Variants in PPP2R2B observed in about 807,000 individuals in gnomAD.
PPP2R2B encodes the protein protein phosphatase 2 regulatory subunit Bbeta.
In PPP2R2B, 5 loss-of-function variants were observed where a neutral mutation model predicts 46.0. The ratio of observed to expected loss-of-function variants is 0.11; its 90% CI spans 0.06 to 0.23. PPP2R2B has a LOEUF of 0.23. Ranked by LOEUF, PPP2R2B falls within the 10% of genes least tolerant of loss-of-function variation. The pLI is 1.00. For missense variants in PPP2R2B, 367 were observed against 575.0 expected, an observed-to-expected ratio of 0.64 and a Z score of 3.70; for synonymous variants, 215 against 206.7, an observed-to-expected ratio of 1.04 and a Z score of -0.34.
At position 147,014,025 on chromosome 5, in the gene PPP2R2B, A is replaced by C. The variant is rs200059385; in HGVS notation, c.79+41640T>G. Among the ~76,000 whole-genome samples, 503 of 127,406 alleles carry C rather than the reference A, an allele frequency of 3.9e-3. 4 individuals carry two copies. The East Asian group carries it at 0.078, about 20-fold the overall frequency. 83.6% of individuals were successfully genotyped at this position (127,406 alleles called of 152,430 possible). A position where few individuals can be genotyped will look rare whatever the true frequency, so the allele number is the denominator to read the frequency against. On this transcript the variant is annotated intron_variant, in intron 1 of 8. Transcript: ENST00000336640. Reference sequence around the variant, plus strand: ...AATATCCAGAATCTACAATGAACTCAAACAAATTTACAAGAAAAAAACAAA... The same window carrying C: ...AATATCCAGAATCTACAATGAACTCCAACAAATTTACAAGAAAAAAACAAA...
At chr5:146,945,588 C>A (rs910460957) in intron 1 of PPP2R2B, among the ~76,000 whole-genome samples, 1 of 152,228 alleles carries the variant, frequency 6.6e-6, no homozygotes, top group African/African-American at 2.4e-5. Flanking sequence ...ATAGCAGCTG[C>A]TGATGATGTT....
chr5:146,864,110 G>A (rs909038052), intron 2 of PPP2R2B, among the ~76,000 whole-genome samples: 3 of 151,958 alleles, frequency 2.0e-5, no homozygotes, highest in African/African-American at 4.8e-5. Flanking sequence ...ATAAAGACAC[G>A]GTTTAGAGTC....
At chr5:146,969,602 A>T (rs1752578564) in intron 1 of PPP2R2B, among the ~76,000 whole-genome samples, 1 of 152,328 alleles carries the variant, frequency 6.6e-6, no homozygotes, top group South Asian at 2.1e-4. Context: ...TCCAGGAGCG[A>T]GATGCAGGTT....
intron 1 of PPP2R2B, among the ~76,000 whole-genome samples, chr5:147,014,941 C>T (rs1488478077): frequency 6.6e-6 from 1 of 151,514 alleles, no homozygotes; most frequent in African/African-American, 2.4e-5. Context: ...GGGTCCTATC[C>T]CCAAGATATC....
intron 1 of PPP2R2B, among the ~76,000 whole-genome samples, chr5:146,906,167 T>C (rs1267507338): frequency 6.6e-6 from 1 of 152,034 alleles, no homozygotes; most frequent in African/African-American, 2.4e-5. Flanking sequence ...CTTGAAAGAA[T>C]GGATGTGAAA....
rs1770254060 is a variant in PPP2R2B at position 146,588,006 on chromosome 5, T to C, written c.*1941A>G. ...TGGTAAATGTAGGCCAATAACCCAG[T>C]GGCCTTCTGCAAAATCATCACTCTC... On this transcript the variant is annotated 3_prime_UTR_variant, in exon 10 of 10. Transcript: ENST00000394411. The C allele has an allele frequency of 6.6e-6, 1 of 152,204 alleles. No homozygotes were observed. The highest frequency in any genetic ancestry group is 2.4e-5 in the African/African-American group (1 of 41,460). The allele number at this position is 152,204 out of a possible 1,614,324, so 9.4% of individuals were successfully genotyped here. A position where few individuals can be genotyped will look rare whatever the true frequency, so the allele number is the denominator to read the frequency against.
chr5:147,032,060 T>C (rs1371560325), intron 1 of PPP2R2B, among the ~76,000 whole-genome samples: 2 of 152,118 alleles, frequency 1.3e-5, no homozygotes, highest in Non-Finnish European at 2.9e-5. Context: ...CTAATTAAAC[T>C]AAAGAGCTTT....
upstream of PPP2R2B, among the ~76,000 whole-genome samples, chr5:146,882,947 C>G (rs546740088): frequency 5.1e-4 from 77 of 152,194 alleles, no homozygotes; most frequent in Non-Finnish European, 7.8e-4. Flanking sequence ...TTTTAACCAC[C>G]CTTGTCATGG....
chr5:146,884,847 T>C (rs1246221963), intron 1 of PPP2R2B, among the ~76,000 whole-genome samples: 1 of 152,208 alleles, frequency 6.6e-6, no homozygotes, highest in Non-Finnish European at 1.5e-5. Context: ...AAAATTTTAG[T>C]ATAATTTAAA....
chr5:146,763,833 C>T (rs897084826), intron 2 of PPP2R2B, among the ~76,000 whole-genome samples: 4 of 152,150 alleles, frequency 2.6e-5, no homozygotes, highest in African/African-American at 9.7e-5. Flanking sequence ...AGTGATCCTA[C>T]TGTCTCAGCC....
At chr5:146,913,929 G>A (rs1486404553) in intron 1 of PPP2R2B, among the ~76,000 whole-genome samples, 1 of 152,124 alleles carries the variant, frequency 6.6e-6, no homozygotes, top group Non-Finnish European at 1.5e-5. Context: ...TAGGATTTTT[G>A]TTCTGGCCAA....
intron 2 of PPP2R2B, among the ~76,000 whole-genome samples, chr5:146,814,709 G>A (rs1757823964): frequency 6.6e-6 from 1 of 152,144 alleles, no homozygotes; most frequent in African/African-American, 2.4e-5. Context: ...CATTGCACAT[G>A]TGGTCCCCCC....
At chr5:146,973,566 T>G (rs1208027119) in intron 1 of PPP2R2B, among the ~76,000 whole-genome samples, 1 of 152,180 alleles carries the variant, frequency 6.6e-6, no homozygotes, top group Non-Finnish European at 1.5e-5. Flanking sequence ...CAGTTAGAGC[T>G]ACAAAATTGG....
chr5:146,805,333 C>T (rs1298566707), intron 2 of PPP2R2B, among the ~76,000 whole-genome samples: 5 of 152,142 alleles, frequency 3.3e-5, no homozygotes, highest in East Asian at 1.9e-4. Flanking sequence ...ATTCACCCCT[C>T]CCCCCAACTC....
At chr5:146,619,030 G>C (rs1466764023) in intron 7 of PPP2R2B, among the ~76,000 whole-genome samples, 7 of 152,128 alleles carry the variant, frequency 4.6e-5, no homozygotes, top group African/African-American at 1.4e-4. Flanking sequence ...TCAAGCCCTA[G>C]GTCAGCATTC....
At chr5:146,842,340 T>C (rs893085918) in intron 2 of PPP2R2B, among the ~76,000 whole-genome samples, 1 of 150,626 alleles carries the variant, frequency 6.6e-6, no homozygotes, top group Non-Finnish European at 1.5e-5. Context: ...CCCCCACACA[T>C]CCCCAAAAGT....
intron 1 of PPP2R2B, among the ~76,000 whole-genome samples, chr5:146,966,441 A>C (rs1315630892): frequency 1.3e-5 from 2 of 152,298 alleles, no homozygotes; most frequent in South Asian, 4.1e-4. Flanking sequence ...AAACTGACAC[A>C]AAGACCTGAG....
chr5:146,706,850 G>T, intron 2 of PPP2R2B: 1 of 1,126,396 alleles, frequency 8.9e-7, no homozygotes, highest in Non-Finnish European at 1.3e-6. Flanking sequence ...GATGCTGTCC[G>T]TGTCCAGGGA....
intron 2 of PPP2R2B, among the ~76,000 whole-genome samples, chr5:146,754,227 G>A (rs1753716148): frequency 6.6e-6 from 1 of 152,150 alleles, no homozygotes; most frequent in Non-Finnish European, 1.5e-5. Flanking sequence ...CTGCATCAAT[G>A]CATTTTTACT....
Sources: allele counts gnomAD v4.1 joint callset (sites outside exome capture counted in the v4.1 genomes callset), GRCh38; gene constraint gnomAD v4.1.1; transcripts MANE v1.5; gene names NCBI Gene and HGNC (gene_info 2026-07-23, HGNC 2026-07-21).